The following NAA25 variants were observed in gnomAD, a reference collection of about 807,000 sequenced individuals.
NAA25 encodes the protein N-alpha-acetyltransferase 25, NatB auxiliary subunit, also known as N-terminal acetyltransferase B complex subunit NAA25.
In NAA25, 30 loss-of-function variants were observed where a neutral mutation model predicts 132.5. The observed-to-expected ratio is 0.23, with a 90% CI of 0.17 to 0.31. NAA25 has a LOEUF of 0.31. Ranked by LOEUF, NAA25 falls within the 10% of genes least tolerant of loss-of-function variation. The probability of loss-of-function intolerance (pLI) is 1.00; values close to 1 mark genes in which losing one functional copy is unlikely to be tolerated. For missense variants in NAA25, 771 were observed against 1,150.4 expected, an observed-to-expected ratio of 0.67 and a Z score of 4.77; for synonymous variants, 359 against 401.9, an observed-to-expected ratio of 0.89 and a Z score of 1.28.
chr12:112,068,320 T>C (rs1566016327), intron 11 of NAA25, among the ~76,000 whole-genome samples: 1 of 152,100 alleles, frequency 6.6e-6, no homozygotes, highest in Non-Finnish European at 1.5e-5. Flanking sequence ...GCATGTGGGA[T>C]TCTGGTGGTG....
chr12:112,054,259 G>T, intron 14 of NAA25, 129 bp downstream of exon 14: 1 of 813,474 alleles, frequency 1.2e-6, no homozygotes, highest in Non-Finnish European at 1.9e-6. Context: ...GTTTGCAATG[G>T]ATCATAACAG....
chr12:112,106,392 A>T (rs532306537), intron 1 of NAA25, among the ~76,000 whole-genome samples: 25 of 118,626 alleles, frequency 2.1e-4, no homozygotes, highest in Non-Finnish European at 4.0e-4. Flanking sequence ...TTTTTAGTTT[A>T]AAAAAAAAAA....
chr12:112,051,193 A>G (rs1185588840), intron 15 of NAA25, among the ~76,000 whole-genome samples: 1 of 152,168 alleles, frequency 6.6e-6, no homozygotes, highest in African/African-American at 2.4e-5. Flanking sequence ...AGGTCAAGCT[A>G]CATGTTCCTA....
chr12:112,037,275 CATATATATATATATATATATAT>C (rs57810657), intron 22 of NAA25, among the ~76,000 whole-genome samples: 921 of 65,204 alleles, frequency 0.014, 36 homozygotes, highest in East Asian at 0.027. Flanking sequence ...TTAAAAAATA[CATATATATATATATATATATAT>C]ATATATATAT....
chr12:112,074,284 T>C (rs1231526021), intron 9 of NAA25, among the ~76,000 whole-genome samples: 1 of 132,186 alleles, frequency 7.6e-6, no homozygotes, highest in Non-Finnish European at 1.5e-5. Flanking sequence ...GAGGTTGCAG[T>C]GAGCCAAGAT....
At chr12:112,105,021 AAAT>A (rs1009793063) in intron 1 of NAA25, among the ~76,000 whole-genome samples, 2 of 151,516 alleles carry the variant, frequency 1.3e-5, no homozygotes, top group South Asian at 4.2e-4. Context: ...CTTCTTAAAA[AAAT>A]AATAATAATA....
rs1003458638 is a variant in NAA25 at position 112,072,143 on chromosome 12, TA to T, written c.867-80del. Reference sequence around the variant, plus strand: ...AGCTTAAAGTCAAGCCAAACTCATTTAAAAAGAGAAAAACGACTTTGATAAT... The same window carrying T: ...AGCTTAAAGTCAAGCCAAACTCATTTAAAAGAGAAAAACGACTTTGATAAT... On this transcript the variant is annotated intron_variant, in intron 9 of 23. Transcript: ENST00000261745. 8 of 1,076,704 alleles carry T rather than the reference TA, an allele frequency of 7.4e-6. No homozygotes were observed. In the Admixed American group the frequency reaches 2.4e-4, roughly 32 times the overall value. The allele number at this position is 1,076,704 out of a possible 1,614,324, so 66.7% of individuals were successfully genotyped here.
chr12:112,092,864 G>T (rs1285305860), intron 2 of NAA25, among the ~76,000 whole-genome samples, 187 bp downstream of exon 2: 1 of 152,044 alleles, frequency 6.6e-6, no homozygotes, highest in Non-Finnish European at 1.5e-5. Flanking sequence ...TTTTAGTAGA[G>T]ACAGGGTTTC....
At chr12:112,069,648 C>A (rs901487803) in intron 10 of NAA25, among the ~76,000 whole-genome samples, 1 of 150,840 alleles carries the variant, frequency 6.6e-6, no homozygotes, top group Non-Finnish European at 1.5e-5. Context: ...TGGAGAAACT[C>A]GTCTTGACTC....
At chr12:112,081,004 A>G in intron 5 of NAA25, 56 bp downstream of exon 5, 2 of 1,413,796 alleles carry the variant, frequency 1.4e-6, no homozygotes, top group East Asian at 2.3e-5. Context: ...ACTGAGGACA[A>G]TAACTATATA....
intron 5 of NAA25, 66 bp from the exon 6 acceptor site, chr12:112,078,807 C>A: frequency 1.6e-5 from 20 of 1,230,974 alleles, no homozygotes; most frequent in Non-Finnish European, 2.2e-5. Flanking sequence ...ATTAACATTA[C>A]TGTTAATTGG....
chr12:112,095,671 GA>G (rs923797237), intron 1 of NAA25, among the ~76,000 whole-genome samples: 1 of 136,404 alleles, frequency 7.3e-6, no homozygotes. Context: ...CAGAGAGAAA[GA>G]AAAAAAAAGA....
Position 112,053,661 on chromosome 12 carries a change from G to T in NAA25, c.1629-4C>A. The T allele has an allele frequency of 1.3e-6, 2 of 1,589,002 alleles. No homozygotes were observed. Among genetic ancestry groups the T allele is most frequent in the Non-Finnish European group, 1.7e-6 (2 of 1,162,522 alleles). On this transcript the variant is annotated splice_polypyrimidine_tract_variant and splice_region_variant and intron_variant, in intron 14 of 23. Transcript: ENST00000261745. ...AGCATATCGGGTCAAAAGATAACTA[G>T]ATCAGAAGGAAAGAAGGAAAAAAAA...
chr12:112,047,599 G>A (rs1193394941), intron 17 of NAA25, 66 bp downstream of exon 17: 1 of 1,567,410 alleles, frequency 6.4e-7, no homozygotes, highest in Non-Finnish European at 8.7e-7. Flanking sequence ...TATGATCTTG[G>A]TCTCTTTAAA....
intron 3 of NAA25, among the ~76,000 whole-genome samples, 172 bp from the exon 4 acceptor site, chr12:112,087,973 T>C (rs754401690): frequency 1.3e-5 from 2 of 152,230 alleles, no homozygotes; most frequent in African/African-American, 2.4e-5. Flanking sequence ...AAATGAAGCA[T>C]GGAATAGGTC....
chr12:112,036,870 TGTGTGC>T (rs1238575578), intron 22 of NAA25, among the ~76,000 whole-genome samples: 1 of 150,110 alleles, frequency 6.7e-6, no homozygotes, highest in African/African-American at 2.4e-5. Flanking sequence ...CGTAAAACTG[TGTGTGC>T]GTGTGTGTGT....
chr12:112,042,186 G>A (rs552685995), intron 19 of NAA25, 82 bp from the exon 20 acceptor site: 389 of 607,424 alleles, frequency 6.4e-4, no homozygotes, highest in Non-Finnish European at 2.0e-4. Context: ...CCTGCAAGAA[G>A]TTCATGGGCA....
chr12:112,061,368 T>G lies in NAA25; in HGVS notation c.1170A>C (p.Gly390=). The G allele has an allele frequency of 6.2e-7, 1 of 1,613,630 alleles. No individual in the cohort carries two copies. The highest frequency in any genetic ancestry group is 8.5e-7 in the Non-Finnish European group (1 of 1,179,858). ...CTGTTGGTGTCGACAAAGGAACAAC[T>G]CCAAGTAACTGATTAATAAACTGCA... is the stretch of plus-strand genomic sequence containing the variant. ...QCTKFINQLL[G]VVPLSTPTED... Residue 390 remains glycine, a synonymous_variant, in exon 12 of 24, where the codon GGA becomes GGC. Transcript: ENST00000261745.
intron 17 of NAA25, 60 bp from the exon 18 acceptor site, chr12:112,043,928 AT>A (rs372332897): frequency 0.15 from 189,954 of 1,237,364 alleles, no homozygotes; most frequent in South Asian, 0.19. Flanking sequence ...ATTGCTTTCA[AT>A]TTTTTTTTTT....
Sources: allele counts gnomAD v4.1 joint callset (sites outside exome capture counted in the v4.1 genomes callset), GRCh38; gene constraint gnomAD v4.1.1; transcripts MANE v1.5; gene names NCBI Gene and HGNC (gene_info 2026-07-23, HGNC 2026-07-21).